PCNT: variants seen among roughly 807,000 people sequenced by gnomAD.
PCNT encodes the protein kendrin.
A neutral mutation model predicts 380.4 loss-of-function variants in PCNT; 319 were observed. The ratio of observed to expected loss-of-function variants is 0.84; its 90% CI spans 0.77 to 0.92. The LOEUF is 0.92. Ranked by LOEUF, PCNT falls within the 40% of genes least tolerant of loss-of-function variation. PCNT has a pLI of 0.00. For synonymous variants in PCNT, 1,845 were observed against 1,735.2 expected, an observed-to-expected ratio of 1.06 and a Z score of -1.57; for missense variants, 4,400 against 4,255.3, an observed-to-expected ratio of 1.03 and a Z score of -0.95.
At chr21:46,427,986 G>A (rs545868193) in intron 34 of PCNT, among the ~76,000 whole-genome samples, 191 bp downstream of exon 34, 1 of 152,346 alleles carries the variant, frequency 6.6e-6, no homozygotes, top group African/African-American at 2.4e-5. Flanking sequence ...ACCTGCAGCT[G>A]TAACAGGACA....
Position 46,443,309 on chromosome 21 carries a change from G to A in PCNT, c.9701-501G>A, listed in dbSNP as rs192863717. 2.9e-3 allele frequency: 487 copies of A among 169,158 alleles called. 4 individuals are homozygous for A. Among genetic ancestry groups the A allele is most frequent in the African/African-American group, 0.011 (463 of 41,830 alleles). The allele number at this position is 169,158 out of a possible 1,614,324, so 10.5% of individuals were successfully genotyped here. A position where few individuals can be genotyped will look rare whatever the true frequency, so the allele number is the denominator to read the frequency against. ...CACAGCTCACTGCAGCCTTGAACTCGTGGGCTCAAGCCATCCTCCTGTGTC... is the reference window on the plus strand; with the variant it reads ...CACAGCTCACTGCAGCCTTGAACTCATGGGCTCAAGCCATCCTCCTGTGTC... On this transcript the variant is annotated intron_variant, in intron 44 of 46. Coordinates refer to ENST00000359568, the MANE Select transcript of PCNT (RefSeq NM_006031.6).
At chr21:46,365,405 C>G (rs1400339155) in intron 14 of PCNT, among the ~76,000 whole-genome samples, 1 of 146,222 alleles carries the variant, frequency 6.8e-6, no homozygotes, top group Non-Finnish European at 1.5e-5. Flanking sequence ...CCGTGGGGTT[C>G]TGATCACTGC....
At chr21:46,444,343 G>T (rs1224042104) in intron 45 of PCNT, among the ~76,000 whole-genome samples, 2 of 152,204 alleles carry the variant, frequency 1.3e-5, no homozygotes, top group Non-Finnish European at 2.9e-5. Flanking sequence ...GACAGCTGAG[G>T]TGAGGACTGA....
At chr21:46,442,617 C>T (rs1329268511) in intron 44 of PCNT, 44 bp downstream of exon 44, 3 of 1,165,462 alleles carry the variant, frequency 2.6e-6, no homozygotes, top group Non-Finnish European at 3.9e-6. Flanking sequence ...ACAAACCTTT[C>T]TTTCTACTCT....
rs143511166 is a variant in PCNT at position 46,425,823 on chromosome 21, C to G, written c.7180-8C>G. 8 of 1,613,228 alleles carry G rather than the reference C, an allele frequency of 5.0e-6. No individual in the cohort carries two copies. Among genetic ancestry groups the G allele is most frequent in the Non-Finnish European group, 6.8e-6 (8 of 1,179,984 alleles). On this transcript the variant is annotated splice_region_variant and splice_polypyrimidine_tract_variant and intron_variant, in intron 32 of 46. Transcript: ENST00000359568. The surrounding 1 kb of genome is among the most constrained non-coding windows in gnomAD (Gnocchi z 4.2). ...GCAACTCCCTTCTGACGCGCTTTCC[C>G]GCCACAGGCTTTACTGCAGATGGTG...
intron 14 of PCNT, among the ~76,000 whole-genome samples, chr21:46,365,932 CTGTGGGGTT>C (rs1569205554): frequency 2.0e-5 from 3 of 148,478 alleles, no homozygotes; most frequent in Non-Finnish European, 4.4e-5. Context: ...TCATTCACTG[CTGTGGGGTT>C]CTATTCACTG....
chr21:46,436,909 T>G, intron 39 of PCNT, 70 bp from the exon 40 acceptor site: 1 of 1,082,210 alleles, frequency 9.2e-7, no homozygotes, highest in South Asian at 1.3e-5. Context: ...AGCCGTGAGC[T>G]CTTGTTTAGT....
At chr21:46,344,778 G>A (rs546838787) in intron 3 of PCNT, among the ~76,000 whole-genome samples, 1 of 152,304 alleles carries the variant, frequency 6.6e-6, no homozygotes, top group East Asian at 1.9e-4. Context: ...GTGCCGACGG[G>A]CCCCCTGCAG....
At chr21:46,439,296 G>C (rs2053545890) in intron 41 of PCNT, among the ~76,000 whole-genome samples, 1 of 152,090 alleles carries the variant, frequency 6.6e-6, no homozygotes, top group Non-Finnish European at 1.5e-5. Context: ...TGTGTCAGTG[G>C]AACCAGCCCG....
chr21:46,430,652 C>A lies in PCNT; in HGVS notation c.8059C>A (p.Leu2687Met). The A allele has an allele frequency of 1.3e-6, 2 of 1,569,550 alleles. No individual in the cohort carries two copies. The change falls in exon 37 of 47, where the codon CTG becomes ATG. Residue 2687 changes from leucine to methionine, a missense_variant. Coordinates refer to ENST00000359568, the MANE Select transcript of PCNT (RefSeq NM_006031.6). ...LQRESQSAKA[L>M]EELRASLETQ... is the part of the protein sequence containing the mutation. Reference sequence around the variant, plus strand: ...GAGGGAGAGCCAGAGTGCCAAGGCCCTGGAGGTAACAGGGTGTCAGGGCAA... The same window carrying A: ...GAGGGAGAGCCAGAGTGCCAAGGCCATGGAGGTAACAGGGTGTCAGGGCAA...
intron 38 of PCNT, 70 bp downstream of exon 38, chr21:46,432,285 G>GATGGGGTTAGGA (rs1846625454): frequency 3.5e-6 from 5 of 1,443,162 alleles, no homozygotes; most frequent in Non-Finnish European, 3.8e-6. Context: ...GATGGTTCAC[G>GATGGGGTTAGGA]TGGGGGACGC....
chr21:46,387,760 C>T (rs940390159), intron 17 of PCNT, among the ~76,000 whole-genome samples: 1 of 152,124 alleles, frequency 6.6e-6, no homozygotes, highest in African/African-American at 2.4e-5. Flanking sequence ...GGGTTGGGCT[C>T]TCTGGGGACA....
intron 40 of PCNT, 113 bp downstream of exon 40, chr21:46,437,194 C>A: frequency 1.4e-6 from 1 of 726,670 alleles, no homozygotes; most frequent in South Asian, 1.6e-5. Context: ...CCCTCGCTGC[C>A]TTCTCTGAAT....
chr21:46,344,042 A>C (rs529400295), intron 3 of PCNT, among the ~76,000 whole-genome samples: 2 of 149,808 alleles, frequency 1.3e-5, no homozygotes, highest in East Asian at 1.9e-4. Flanking sequence ...ATGATCTATC[A>C]GTTTTGTTTA....
rs146705703 is a variant in PCNT, at chr21:46,428,492, C to T, written c.7592C>T (p.Thr2531Met). 6 of 1,612,070 alleles carry T rather than the reference C, an allele frequency of 3.7e-6. No individual in the cohort carries two copies. The highest frequency in any genetic ancestry group is 1.3e-5 in the African/African-American group (1 of 74,936). Residue 2531 changes from threonine (T) to methionine (M), a missense_variant, in exon 35 of 47, where the codon ACG becomes ATG. Thr to Met is a moderately conservative substitution (Grantham distance 81). Coordinates refer to ENST00000359568, the MANE Select transcript of PCNT (RefSeq NM_006031.6). ...GCGCTGCGTGCCCAGCTGCGCATGA[C>T]GCACCTGCAGAACCAGGAGAAGCTG... Reference protein sequence around the residue: ...IQALRAQLRMTHLQNQEKLQH... With the variant: ...IQALRAQLRMMHLQNQEKLQH...
rs1195248444 is a variant in PCNT at position 46,430,175 on chromosome 21, A to G, written c.7856A>G (p.Lys2619Arg). The G allele has an allele frequency of 6.2e-7, 1 of 1,613,998 alleles. No homozygotes were observed. The highest frequency in any genetic ancestry group is 2.2e-5 in the East Asian group (1 of 44,890). Residue 2619 changes from lysine (K) to arginine (R), a missense_variant, in exon 36 of 47, where the codon AAG becomes AGG. By Grantham distance (26) the Lys-to-Arg change is conservative. Coordinates refer to ENST00000359568, the MANE Select transcript of PCNT (RefSeq NM_006031.6). Reference protein sequence around the residue: ...LKSDLCESRQKSEQLSRSLCE... With the variant: ...LKSDLCESRQRSEQLSRSLCE... ...TCCGACCTCTGTGAGAGCAGGCAGA[A>G]GAGCGAACAGCTGTCCCGGTCCCTC...
At chr21:46,426,736 C>A (rs1288009880) in intron 33 of PCNT, among the ~76,000 whole-genome samples, 1 of 152,220 alleles carries the variant, frequency 6.6e-6, no homozygotes, top group East Asian at 1.9e-4. Context: ...AAGTCCTCCC[C>A]ATCTCCCTGC....
intron 3 of PCNT, among the ~76,000 whole-genome samples, chr21:46,336,821 T>A (rs1215279536): frequency 6.6e-6 from 1 of 152,120 alleles, no homozygotes; most frequent in Non-Finnish European, 1.5e-5. Context: ...ACATATATGT[T>A]AAATAGGAAT....
intron 15 of PCNT, among the ~76,000 whole-genome samples, chr21:46,370,852 G>A (rs931678729): frequency 6.6e-5 from 10 of 152,268 alleles, no homozygotes; most frequent in South Asian, 6.2e-4. Context: ...TGGCTAACAC[G>A]GTGGAACCCC....
Sources: allele counts gnomAD v4.1 joint callset (sites outside exome capture counted in the v4.1 genomes callset), GRCh38; gene constraint gnomAD v4.1.1; non-coding constraint Gnocchi (gnomAD v3.1); transcripts MANE v1.5; gene names NCBI Gene and HGNC (gene_info 2026-07-23, HGNC 2026-07-21).